Variants in PCCB observed in about 807,000 individuals in gnomAD.
PCCB encodes propionyl-CoA carboxylase subunit beta, also known as propionyl-CoA carboxylase beta chain, mitochondrial.
In PCCB, 43 loss-of-function variants were observed where a neutral mutation model predicts 60.7. That is an observed-to-expected ratio of 0.71 (90% CI 0.55 to 0.91). The LOEUF (loss-of-function observed/expected upper bound fraction) is 0.91, where lower values mean the gene tolerates loss of function less well. Among genes scored for constraint, PCCB ranks in the 40% least tolerant of loss-of-function variants. The pLI, the probability that PCCB is intolerant of heterozygous loss-of-function variation, is 0.00. For missense variants in PCCB, 766 were observed against 702.8 expected (o/e 1.09, Z -1.02); for synonymous variants, 276 against 255.9 (o/e 1.08, Z -0.75).
chr3:136,300,365 G>C (rs1560020043), intron 8 of PCCB, among the ~76,000 whole-genome samples: 4 of 152,198 alleles, frequency 2.6e-5, no homozygotes, highest in Admixed American at 1.3e-4. Context: ...CACTGGGAAG[G>C]AGGGAATGAA....
chr3:136,253,570 A>G (rs948146267), intron 1 of PCCB, among the ~76,000 whole-genome samples: 11 of 151,488 alleles, frequency 7.3e-5, no homozygotes, highest in African/African-American at 2.4e-4. Context: ...TTTTTAGTAG[A>G]GACGGGGTTT....
chr3:136,319,268 G>C (rs184719598), intron 10 of PCCB, among the ~76,000 whole-genome samples: 1 of 151,344 alleles, frequency 6.6e-6, no homozygotes, highest in Non-Finnish European at 1.5e-5. Context: ...GTTTTTTGTT[G>C]TTGAGTTGGA....
At chr3:136,292,255 G>C (rs909572637) in intron 6 of PCCB, among the ~76,000 whole-genome samples, 3 of 149,106 alleles carry the variant, frequency 2.0e-5, no homozygotes, top group African/African-American at 7.4e-5. Flanking sequence ...TTTTTTAACA[G>C]TTTCAAATAA....
chr3:136,299,208 A>G lies in PCCB; in HGVS notation c.884+1136A>G, dbSNP rs114312300. Among the ~76,000 whole-genome samples, 994 of 152,182 alleles carry G rather than the reference A, an allele frequency of 6.5e-3. 10 individuals carry two copies. The highest frequency in any genetic ancestry group is 0.023 in the African/African-American group (965 of 41,470). ...GGGAGATATATATCCATATATATGT[A>G]TACATATATATATGCATGTGTATAT... On this transcript the variant is annotated intron_variant, in intron 8 of 14. Transcript: ENST00000251654.
chr3:136,316,484 T>A (rs921543296), intron 9 of PCCB, among the ~76,000 whole-genome samples: 1 of 151,956 alleles, frequency 6.6e-6, no homozygotes, highest in Non-Finnish European at 1.5e-5. Flanking sequence ...CAGGCCAATT[T>A]TTTGCATTTT....
chr3:136,261,966 C>T lies in PCCB; in HGVS notation c.444C>T (p.Ala148=). The T allele has an allele frequency of 1.3e-6, 2 of 1,556,574 alleles. No homozygotes were observed. Among genetic ancestry groups the T allele is most frequent in the Admixed American group, 1.9e-5 (1 of 51,528 alleles). ...AQKICKIMDQ[A]ITVGAPVIGL... is the part of the protein sequence containing the mutation. ...TGCTGTCTCAGATCATGGACCAGGC[C>T]ATAACGGTGGGGGCTCCAGTGATTG... The change falls in exon 5 of 15, where the codon GCC becomes GCT. Residue 148 remains alanine, a synonymous_variant. Transcript: ENST00000251654.
At chr3:136,285,677 ACT>A (rs1018057186) in intron 6 of PCCB, among the ~76,000 whole-genome samples, 1 of 151,460 alleles carries the variant, frequency 6.6e-6, no homozygotes, top group African/African-American at 2.4e-5. Context: ...TCTTCTCACA[ACT>A]CTGACCATAC....
At chr3:136,317,150 G>A in intron 10 of PCCB, 86 bp downstream of exon 10, 4 of 1,313,012 alleles carry the variant, frequency 3.0e-6, no homozygotes, top group Non-Finnish European at 4.2e-6. Flanking sequence ...TCTTTTGCCT[G>A]TTCTTCAGAC....
chr3:136,254,273 C>T (rs1229223585), intron 1 of PCCB, among the ~76,000 whole-genome samples: 2 of 151,806 alleles, frequency 1.3e-5, no homozygotes, highest in South Asian at 2.1e-4. Context: ...GGCTGGAGTA[C>T]AGTGGTGCGA....
In PCCB at chr3:136,254,285, C is replaced by G. The variant is rs1364760961; in HGVS notation, c.184-1571C>G. On this transcript the variant is annotated intron_variant, in intron 1 of 14. Coordinates refer to ENST00000251654, the MANE Select transcript of PCCB (RefSeq NM_000532.5). Reference sequence around the variant, plus strand: ...CCAGGCTGGAGTACAGTGGTGCGATCTTGGCTCACTGCAACCCCTGCCCCC... The same window carrying G: ...CCAGGCTGGAGTACAGTGGTGCGATGTTGGCTCACTGCAACCCCTGCCCCC... Among the ~76,000 whole-genome samples the G allele has an allele frequency of 3.3e-5, 5 of 151,818 alleles. 1 individual carries two copies. The East Asian group carries it at 9.7e-4, about 29-fold the overall frequency.
intron 6 of PCCB, among the ~76,000 whole-genome samples, chr3:136,289,276 C>T (rs1420401701): frequency 1.3e-5 from 2 of 152,142 alleles, no homozygotes; most frequent in African/African-American, 4.8e-5. Context: ...ATTTCTCCTT[C>T]CAGTGCTATC....
chr3:136,297,994 G>A lies in PCCB; in HGVS notation c.806G>A (p.Cys269Tyr). The A allele has an allele frequency of 1.9e-6, 3 of 1,614,148 alleles. No homozygotes were observed. Among genetic ancestry groups the A allele is most frequent in the Non-Finnish European group, 2.5e-6 (3 of 1,179,976 alleles). The change falls in exon 8 of 15, where the codon TGT becomes TAT. Residue 269 changes from cysteine to tyrosine, a missense_variant. Cys to Tyr is a radical substitution (Grantham distance 194). Coordinates refer to ENST00000251654, the MANE Select transcript of PCCB (RefSeq NM_000532.5). The stretch of plus-strand genomic sequence containing the variant: ...TTTGAAAATGATGTTGATGCCTTGT[G>A]TAATCTCCGGGATTTCTTCAACTAC... ...RAFENDVDAL[C>Y]NLRDFFNYLP... is the part of the protein sequence containing the mutation.
chr3:136,291,584 T>C (rs1303596207), intron 6 of PCCB, among the ~76,000 whole-genome samples: 1 of 152,206 alleles, frequency 6.6e-6, no homozygotes, highest in African/African-American at 2.4e-5. Context: ...CGTACTTTTT[T>C]GGTGGGACGG....
chr3:136,264,953 T>C (rs961897169), intron 5 of PCCB, among the ~76,000 whole-genome samples: 17 of 151,714 alleles, frequency 1.1e-4, no homozygotes, highest in Non-Finnish European at 2.4e-4. Flanking sequence ...CCCAGCACTT[T>C]GGGAGGCCGA....
At chr3:136,318,890 C>T (rs1446634086) in intron 10 of PCCB, among the ~76,000 whole-genome samples, 1 of 152,104 alleles carries the variant, frequency 6.6e-6, no homozygotes, top group African/African-American at 2.4e-5. Flanking sequence ...ATATAAGTAT[C>T]TGTTTGAACC....
In PCCB at chr3:136,317,076, C is replaced by T. The variant is rs771783539; in HGVS notation, c.1090+12C>T. 1 of 1,613,996 alleles carries T rather than the reference C, an allele frequency of 6.2e-7. No homozygotes were observed. The highest frequency in any genetic ancestry group is 8.5e-7 in the Non-Finnish European group (1 of 1,179,964). ...TAAGGTGGCCTCAGGTAGGATGGAG[C>T]TCTTATAAGCCTTGGTTTTGGGGTT... is the stretch of plus-strand genomic sequence containing the variant. On this transcript the variant is annotated intron_variant, in intron 10 of 14. Transcript: ENST00000251654.
intron 5 of PCCB, among the ~76,000 whole-genome samples, chr3:136,280,616 A>G (rs1298958186): frequency 6.6e-6 from 1 of 152,190 alleles, no homozygotes; most frequent in African/African-American, 2.4e-5. Flanking sequence ...AAAGAGCTGC[A>G]ATTACAGGCA....
At chr3:136,287,321 T>TC (rs1328840688) in intron 6 of PCCB, among the ~76,000 whole-genome samples, 1 of 152,190 alleles carries the variant, frequency 6.6e-6, no homozygotes, top group Non-Finnish European at 1.5e-5. Flanking sequence ...GGCTTCTGGC[T>TC]CATTATGTTG....
Position 136,255,849 on chromosome 3 carries a change from A to C in PCCB, c.184-7A>C, listed in dbSNP as rs1941659337. On this transcript the variant is annotated splice_region_variant and splice_polypyrimidine_tract_variant and intron_variant, in intron 1 of 14. Transcript: ENST00000251654. ...GACATCACTGAGTGATCTTTGTTCC[A>C]TTGTAGGGAAAGCTAACAGCCAGGG... 1 of 1,613,382 alleles carries C rather than the reference A, an allele frequency of 6.2e-7. No individual in the cohort carries two copies. Among genetic ancestry groups the C allele is most frequent in the South Asian group, 1.1e-5 (1 of 91,084 alleles).
Sources: gnomAD v4.1 joint callset for allele counts (sites outside exome capture counted in the v4.1 genomes callset) on GRCh38, gnomAD v4.1.1 for gene constraint, MANE v1.5 for transcripts, NCBI Gene and HGNC (gene_info 2026-07-23, HGNC 2026-07-21) for gene names.